The following SULF1 variants were observed in gnomAD, a reference collection of about 807,000 sequenced individuals.
The protein encoded by SULF1 is extracellular sulfatase Sulf-1.
Under a neutral mutation model 110.5 loss-of-function variants are expected in SULF1, and 46 were observed. The observed-to-expected ratio is 0.42, with a 90% CI of 0.33 to 0.53. The LOEUF is 0.53. Ranked by LOEUF, SULF1 falls within the 20% of genes least tolerant of loss-of-function variation. The pLI is 0.12. For missense variants in SULF1, 941 were observed against 1,094.2 expected, an observed-to-expected ratio of 0.86 and a Z score of 1.98; for synonymous variants, 371 against 387.1, an observed-to-expected ratio of 0.96 and a Z score of 0.49.
In SULF1 at chr8:69,627,246, G is replaced by A. The variant is rs1237370759; in HGVS notation, c.1887G>A (p.Glu629=). The change falls in exon 16 of 23, where the codon GAG becomes GAA. Residue 629 remains glutamate (E), a synonymous_variant. Coordinates refer to ENST00000402687, the MANE Select transcript of SULF1 (RefSeq NM_001128205.2). ...TTCCCAATGACTCTATCCATTGTGA[G>A]AGAGAACTGTACCAATCGGCCAGAG... is the stretch of plus-strand genomic sequence containing the variant. ...FILPNDSIHC[E]RELYQSARAW... The A allele has an allele frequency of 6.2e-7, 1 of 1,614,096 alleles. No individual in the cohort carries two copies. The highest frequency in any genetic ancestry group is 1.7e-5 in the Admixed American group (1 of 60,024).
chr8:69,527,160 A>G (rs1812756398), intron 3 of SULF1, among the ~76,000 whole-genome samples: 1 of 152,128 alleles, frequency 6.6e-6, no homozygotes, highest in Non-Finnish European at 1.5e-5. Context: ...CAGGCAGAGT[A>G]TACAAGGACT....
intron 22 of SULF1, among the ~76,000 whole-genome samples, chr8:69,649,774 T>C (rs760550857): frequency 6.6e-6 from 1 of 152,130 alleles, no homozygotes; most frequent in East Asian, 1.9e-4. Flanking sequence ...CATAACATCT[T>C]GGTGGTATTA....
intron 5 of SULF1, among the ~76,000 whole-genome samples, chr8:69,571,829 G>A (rs1201669283): frequency 6.6e-6 from 1 of 152,206 alleles, no homozygotes; most frequent in Non-Finnish European, 1.5e-5. Flanking sequence ...GTTATTGACT[G>A]ACATTAATCA....
At chr8:69,582,184 T>G (rs1242080530) in intron 6 of SULF1, among the ~76,000 whole-genome samples, 1 of 151,856 alleles carries the variant, frequency 6.6e-6, no homozygotes, top group East Asian at 1.9e-4. Flanking sequence ...TAACTTAAAG[T>G]GCAGAAAAAA....
At chr8:69,591,337 G>A (rs1000725750) in intron 8 of SULF1, among the ~76,000 whole-genome samples, 3 of 152,004 alleles carry the variant, frequency 2.0e-5, no homozygotes, top group Admixed American at 6.6e-5. Context: ...GGCGGATCAC[G>A]AGGTCAAGAG....
chr8:69,537,269 G>T (rs1360477340), intron 3 of SULF1, among the ~76,000 whole-genome samples: 1 of 152,194 alleles, frequency 6.6e-6, no homozygotes, highest in Non-Finnish European at 1.5e-5. Flanking sequence ...CTGGTACACA[G>T]TAGGGCCTCT....
In SULF1 at chr8:69,629,549, GAAC is replaced by G. The variant is rs150178205; in HGVS notation, c.2158_2160del (p.Asn720del). ...ATAGCAAACTGCAACTTTTCAAGGA[GAAC>G]AACCGTAGGAGGAAGAAGGAGAGGA... is the stretch of plus-strand genomic sequence containing the variant. On this transcript the variant is annotated inframe_deletion, in exon 19 of 23. Coordinates refer to ENST00000402687, the MANE Select transcript of SULF1 (RefSeq NM_001128205.2). 1.1e-3 allele frequency: 1,737 copies of G among 1,613,984 alleles called. 28 individuals carry two copies. In the East Asian group the frequency reaches 0.022, roughly 21 times the overall value.
intron 22 of SULF1, among the ~76,000 whole-genome samples, chr8:69,648,519 A>C (rs1812098435): frequency 6.6e-6 from 1 of 152,134 alleles, no homozygotes; most frequent in African/African-American, 2.4e-5. Flanking sequence ...AGGGGATGAG[A>C]GCTCCTCTTG....
chr8:69,555,153 A>G (rs933803328), intron 3 of SULF1, among the ~76,000 whole-genome samples: 2 of 152,026 alleles, frequency 1.3e-5, no homozygotes, highest in Non-Finnish European at 2.9e-5. Context: ...GCTAATCTCC[A>G]TAATTTGCCT....
At chr8:69,577,543 C>T (rs1330099779) in intron 6 of SULF1, among the ~76,000 whole-genome samples, 1 of 152,108 alleles carries the variant, frequency 6.6e-6, no homozygotes, top group Non-Finnish European at 1.5e-5. Flanking sequence ...GGAACTGGAA[C>T]GATTGGGACT....
At chr8:69,581,283 C>A in intron 6 of SULF1, among the ~76,000 whole-genome samples, 1 of 152,180 alleles carries the variant, frequency 6.6e-6, no homozygotes, top group East Asian at 1.9e-4. Context: ...TCTTTTGATA[C>A]ATTAAATAAG....
At chr8:69,480,770 G>T (rs1261920846) in intron 1 of SULF1, among the ~76,000 whole-genome samples, 1 of 151,632 alleles carries the variant, frequency 6.6e-6, no homozygotes, top group East Asian at 1.9e-4. Flanking sequence ...TCCTAAGTAT[G>T]ATTCTGACTT....
At chr8:69,617,383 A>G (rs1379337426) in intron 13 of SULF1, among the ~76,000 whole-genome samples, 6 of 1,124 alleles carry the variant, frequency 5.3e-3, no homozygotes, top group South Asian at 0.038. Context: ...CTATATATAT[A>G]TATATATATA....
upstream of SULF1, chr8:69,492,817 A>G (rs2150556074): frequency 6.6e-6 from 1 of 152,418 alleles, no homozygotes; most frequent in Non-Finnish European, 1.5e-5. Context: ...ACGCGGGCTT[A>G]TATAACCGTC....
chr8:69,499,647 T>C lies in SULF1; in HGVS notation c.-228-2227T>C, dbSNP rs202163003. Among the ~76,000 whole-genome samples, 3 of 152,224 alleles carry C rather than the reference T, an allele frequency of 2.0e-5. No homozygotes were observed. The East Asian group carries it at 5.8e-4, about 29-fold the overall frequency. On this transcript the variant is annotated intron_variant, in intron 2 of 22. Transcript: ENST00000402687. ...CTTCATACAACACAGCAGGAAGTATTTGACTCTCACGTGCATACACATATC... is the reference window on the plus strand; with the variant it reads ...CTTCATACAACACAGCAGGAAGTATCTGACTCTCACGTGCATACACATATC...
At chr8:69,472,454 TCAAA>T (rs1451292528) in intron 1 of SULF1, among the ~76,000 whole-genome samples, 2 of 152,228 alleles carry the variant, frequency 1.3e-5, no homozygotes, top group East Asian at 3.8e-4. Flanking sequence ...GCACCCATCA[TCAAA>T]CATTGAACCT....
rs1407437765 is a variant in SULF1 at position 69,574,353 on chromosome 8, C to T, written c.173-1617C>T. Among the ~76,000 whole-genome samples the T allele has an allele frequency of 3.9e-5, 6 of 152,268 alleles. No individual in the cohort carries two copies. In the East Asian group the frequency reaches 1.2e-3, roughly 29 times the overall value. On this transcript the variant is annotated intron_variant, in intron 5 of 22. Coordinates refer to ENST00000402687, the MANE Select transcript of SULF1 (RefSeq NM_001128205.2). ...TCATCACTCTACTTGTTTCTTCCCA[C>T]CTCCAGAGCATCACACATGTCACTC...
intron 3 of SULF1, among the ~76,000 whole-genome samples, chr8:69,516,349 G>A (rs1222192414): frequency 6.6e-6 from 1 of 150,584 alleles, no homozygotes; most frequent in East Asian, 2.0e-4. Flanking sequence ...TGCTGAAGCA[G>A]GAGGAAGGGA....
intron 15 of SULF1, among the ~76,000 whole-genome samples, chr8:69,625,770 C>T (rs1022672693): frequency 2.6e-4 from 39 of 152,182 alleles, no homozygotes; most frequent in Non-Finnish European, 4.4e-4. Context: ...AACGGAGCTT[C>T]CACAGTGTGG....
Sources: gnomAD v4.1 joint callset for allele counts (sites outside exome capture counted in the v4.1 genomes callset) on GRCh38, gnomAD v4.1.1 for gene constraint, MANE v1.5 for transcripts, NCBI Gene and HGNC (gene_info 2026-07-23, HGNC 2026-07-21) for gene names.